SPOCK1: variants seen among roughly 807,000 people sequenced by gnomAD.
SPOCK1 encodes the protein SPARC (osteonectin), cwcv and kazal like domains proteoglycan 1.
SPOCK1 carries 23 observed loss-of-function variants against 55.3 expected under a neutral mutation model. The ratio of observed to expected loss-of-function variants is 0.42; its 90% CI spans 0.30 to 0.59. SPOCK1 has a LOEUF of 0.59. SPOCK1 is among the 20% of genes least tolerant of loss of function. The probability of loss-of-function intolerance (pLI) is 0.22; values close to 1 mark genes in which losing one functional copy is unlikely to be tolerated. For synonymous variants in SPOCK1, 226 were observed against 221.0 expected (o/e 1.02, Z -0.20); for missense variants, 499 against 552.5 (o/e 0.90, Z 0.97).
intron 4 of SPOCK1, among the ~76,000 whole-genome samples, chr5:137,113,046 T>G (rs41505353): frequency 0.019 from 2,873 of 152,196 alleles, 92 homozygotes; most frequent in African/African-American, 0.065. Flanking sequence ...CTGAAAGACT[T>G]TATCACAGCT....
intron 2 of SPOCK1, among the ~76,000 whole-genome samples, chr5:137,286,107 A>G (rs969040042): frequency 6.6e-6 from 1 of 152,086 alleles, no homozygotes; most frequent in Non-Finnish European, 1.5e-5. Flanking sequence ...TGTTTTTACC[A>G]TTTTAAAGAT....
intron 2 of SPOCK1, among the ~76,000 whole-genome samples, chr5:137,407,073 C>G (rs570273475): frequency 6.6e-6 from 1 of 152,274 alleles, no homozygotes; most frequent in African/African-American, 2.4e-5. Flanking sequence ...TGGAATGCTG[C>G]TAAAACATGG....
intron 3 of SPOCK1, among the ~76,000 whole-genome samples, chr5:137,141,507 C>A (rs1754097906): frequency 6.6e-6 from 1 of 152,072 alleles, no homozygotes; most frequent in Admixed American, 6.5e-5. Context: ...TTGTGCCGCA[C>A]AAAGTTACAA....
intron 2 of SPOCK1, among the ~76,000 whole-genome samples, chr5:137,286,587 C>G (rs1374707524): frequency 6.6e-6 from 1 of 152,138 alleles, no homozygotes; most frequent in Non-Finnish European, 1.5e-5. Context: ...GTGTACCTCC[C>G]AGGGAGGCAG....
chr5:137,484,527 ATTC>A (rs1427020494), intron 2 of SPOCK1, among the ~76,000 whole-genome samples: 3 of 152,170 alleles, frequency 2.0e-5, no homozygotes, highest in Admixed American at 6.5e-5. Flanking sequence ...TTTCCCTCAA[ATTC>A]TTCTTCTTTA....
At chr5:137,279,499 G>A (rs77708863) in intron 2 of SPOCK1, among the ~76,000 whole-genome samples, 3,118 of 152,248 alleles carry the variant, frequency 0.02, 35 homozygotes, top group Non-Finnish European at 0.033. Context: ...TTGCATTCAG[G>A]GGATCTGGCA....
intron 2 of SPOCK1, among the ~76,000 whole-genome samples, chr5:137,413,325 C>A (rs1405440841): frequency 6.6e-6 from 1 of 152,118 alleles, no homozygotes; most frequent in Non-Finnish European, 1.5e-5. Context: ...TCACTGATGA[C>A]AAGCAAAATT....
intron 2 of SPOCK1, among the ~76,000 whole-genome samples, chr5:137,355,314 T>C (rs1022790654): frequency 6.6e-6 from 1 of 152,196 alleles, no homozygotes; most frequent in Non-Finnish European, 1.5e-5. Flanking sequence ...TGCCTCAGCC[T>C]CCAGAGTAGC....
intron 3 of SPOCK1, among the ~76,000 whole-genome samples, chr5:137,245,068 T>TA (rs35548392): frequency 1.8e-4 from 28 of 152,162 alleles, no homozygotes; most frequent in Non-Finnish European, 3.4e-4. Context: ...CAGATTTGAA[T>TA]AAAAAAGATA....
chr5:137,157,095 G>C (rs555752813), intron 3 of SPOCK1, among the ~76,000 whole-genome samples: 1 of 151,876 alleles, frequency 6.6e-6, no homozygotes, highest in African/African-American at 2.4e-5. Flanking sequence ...CTGCTGCCCC[G>C]GTCCCTTCCT....
chr5:137,438,320 A>C (rs1424174103), intron 2 of SPOCK1, among the ~76,000 whole-genome samples: 1 of 152,140 alleles, frequency 6.6e-6, no homozygotes, highest in Admixed American at 6.5e-5. Context: ...ATATAATGAA[A>C]GATAAAATGA....
intron 6 of SPOCK1, among the ~76,000 whole-genome samples, chr5:137,007,080 C>CTA (rs1751263966): frequency 6.6e-6 from 1 of 152,106 alleles, no homozygotes; most frequent in African/African-American, 2.4e-5. Flanking sequence ...GGAAAACTGG[C>CTA]TAGCCATATG....
At chr5:137,197,335 G>A (rs192536738) in intron 3 of SPOCK1, among the ~76,000 whole-genome samples, 48 of 152,264 alleles carry the variant, frequency 3.2e-4, no homozygotes, top group Non-Finnish European at 7.4e-5. Flanking sequence ...GAGGGATGAG[G>A]GAGCAGAACT....
At chr5:137,205,948 A>G (rs1045346033) in intron 3 of SPOCK1, among the ~76,000 whole-genome samples, 6 of 152,240 alleles carry the variant, frequency 3.9e-5, no homozygotes, top group Non-Finnish European at 7.3e-5. Flanking sequence ...ACATTTAGAC[A>G]CAAAGAGAGG....
At chr5:137,028,924 C>T (rs901291272) in intron 6 of SPOCK1, among the ~76,000 whole-genome samples, 3 of 152,154 alleles carry the variant, frequency 2.0e-5, no homozygotes, top group African/African-American at 7.2e-5. Context: ...GGGCTGGGAC[C>T]TCAGTCCATG....
intron 3 of SPOCK1, among the ~76,000 whole-genome samples, chr5:137,165,802 A>T (rs1561633628): frequency 6.6e-6 from 1 of 152,206 alleles, no homozygotes; most frequent in Non-Finnish European, 1.5e-5. Flanking sequence ...TTTTAATAGC[A>T]GAATTGATCA....
intron 2 of SPOCK1, among the ~76,000 whole-genome samples, chr5:137,276,948 A>G (rs555645440): frequency 3.3e-5 from 5 of 152,354 alleles, no homozygotes; most frequent in Non-Finnish European, 5.9e-5. Flanking sequence ...ACTTGCATCA[A>G]ATCAAAGCCC....
chr5:137,000,468 C>G (rs951845503), intron 6 of SPOCK1, among the ~76,000 whole-genome samples: 2 of 152,194 alleles, frequency 1.3e-5, no homozygotes, highest in African/African-American at 4.8e-5. Context: ...CAGCAAGTGT[C>G]TGTCTCCCAG....
intron 2 of SPOCK1, among the ~76,000 whole-genome samples, chr5:137,367,889 A>G (rs750801293): frequency 6.6e-6 from 1 of 152,248 alleles, no homozygotes; most frequent in Admixed American, 6.5e-5. Context: ...AAAGGGCTGT[A>G]GCCAAGGCGA....
Sources: allele counts gnomAD v4.1 joint callset (sites outside exome capture counted in the v4.1 genomes callset), GRCh38; gene constraint gnomAD v4.1.1; transcripts MANE v1.5; gene names NCBI Gene and HGNC (gene_info 2026-07-23, HGNC 2026-07-21).